The following MED24 variants were observed in gnomAD, a reference collection of about 807,000 sequenced individuals.
MED24 encodes the protein mediator of RNA polymerase II transcription subunit 24.
MED24 carries 74 observed loss-of-function variants against 118.8 expected under a neutral mutation model. The observed-to-expected ratio is 0.62, with a 90% confidence interval of 0.52 to 0.76. The LOEUF (loss-of-function observed/expected upper bound fraction) is 0.76. Ranked by LOEUF, MED24 falls within the 30% of genes least tolerant of loss-of-function variation. The pLI is 0.00. For missense variants in MED24, 1,041 were observed against 1,278.9 expected, an observed-to-expected ratio of 0.81 and a Z score of 2.84; for synonymous variants, 521 against 523.9, an observed-to-expected ratio of 0.99 and a Z score of 0.08.
At chr17:40,030,728 G>C (rs976129849) in intron 12 of MED24, among the ~76,000 whole-genome samples, 3 of 150,812 alleles carry the variant, frequency 2.0e-5, no homozygotes, top group Non-Finnish European at 4.4e-5. Flanking sequence ...GCATGATTTC[G>C]CCTCACCACA....
chr17:40,020,746 C>T (rs1598328688), intron 23 of MED24: 2 of 341,214 alleles, frequency 5.9e-6, no homozygotes, highest in East Asian at 1.7e-4. Flanking sequence ...GGTGCCACTG[C>T]ACTCCAGCCT....
chr17:40,027,876 C>T (rs1239955166), intron 15 of MED24, 33 bp downstream of exon 15: 1 of 1,608,164 alleles, frequency 6.2e-7, no homozygotes, highest in East Asian at 2.2e-5. Context: ...CCTCAGGGCC[C>T]ACTGGGCCTG....
intron 9 of MED24, chr17:40,032,375 C>T (rs910576472): frequency 2.6e-5 from 15 of 568,920 alleles, no homozygotes; most frequent in Non-Finnish European, 4.6e-5. Context: ...GGACTGGGGC[C>T]CCTTTCCCTG....
In MED24 at chr17:40,029,808, G is replaced by A; in HGVS notation, c.1206C>T (p.Asn402=). 2.5e-6 allele frequency: 4 copies of A among 1,614,214 alleles called. No homozygotes were observed. The highest frequency in any genetic ancestry group is 3.4e-6 in the Non-Finnish European group (4 of 1,180,016). Residue 402 remains asparagine, a synonymous_variant, in exon 13 of 26, where the codon AAC becomes AAT. Transcript: ENST00000394128. ...APQQKSGENA[N]IQPNIQLILR... ...GGATCAGCTGGATGTTGGGCTGGAT[G>A]TTGGCATTCTCTCCCGATTTCTGCT... is the stretch of plus-strand genomic sequence containing the variant.
intron 19 of MED24, among the ~76,000 whole-genome samples, chr17:40,024,178 G>A (rs779016903): frequency 1.1e-4 from 16 of 152,138 alleles, no homozygotes; most frequent in Non-Finnish European, 2.1e-4. Context: ...AGGGGAAAAC[G>A]AGATGTGCTT....
In MED24 at chr17:40,022,832, G is replaced by A. The variant is rs1472563304; in HGVS notation, c.2251-6C>T. The A allele has an allele frequency of 1.2e-6, 2 of 1,612,562 alleles. No individual in the cohort carries two copies. The highest frequency in any genetic ancestry group is 1.7e-6 in the Non-Finnish European group (2 of 1,179,814). On this transcript the variant is annotated splice_polypyrimidine_tract_variant and splice_region_variant and intron_variant, in intron 20 of 25. Transcript: ENST00000394128. ...CGCGTCTCCTTCAGCAGCTCCTAGTGCGCAGGAAAGGGGGCAGTTCAGGAG... is the reference window on the plus strand; with the variant it reads ...CGCGTCTCCTTCAGCAGCTCCTAGTACGCAGGAAAGGGGGCAGTTCAGGAG...
intron 16 of MED24, 47 bp from the exon 17 acceptor site, chr17:40,027,081 G>A (rs367647258): frequency 2.5e-6 from 4 of 1,597,156 alleles, no homozygotes; most frequent in Non-Finnish European, 3.4e-6. Context: ...AGGGCGCGGC[G>A]CCTGCCAGCG....
At chr17:40,028,113 T>C in intron 14 of MED24, 167 bp from the exon 15 acceptor site, 2 of 726,624 alleles carry the variant, frequency 2.8e-6, no homozygotes, top group Admixed American at 2.8e-5. Context: ...TTTTGTTTTT[T>C]GTTTTTTTTT....
chr17:40,045,342 G>C (rs1374105638), intron 3 of MED24, among the ~76,000 whole-genome samples: 1 of 152,086 alleles, frequency 6.6e-6, no homozygotes, highest in Non-Finnish European at 1.5e-5. Context: ...CCAGCTACTT[G>C]GGAGGCTGAG....
intron 1 of MED24, chr17:40,053,946 C>T (rs943091620): frequency 1.0e-5 from 5 of 480,742 alleles, no homozygotes; most frequent in Non-Finnish European, 1.5e-5. Flanking sequence ...GCCTGACCAA[C>T]ATGGAGAAAC....
intron 14 of MED24, among the ~76,000 whole-genome samples, chr17:40,028,369 C>T (rs1982968172): frequency 6.6e-6 from 1 of 152,174 alleles, no homozygotes; most frequent in Non-Finnish European, 1.5e-5. Context: ...CCACCTTGGC[C>T]TCCCTAAGTG....
rs1403871158 is a variant in MED24 at position 40,026,176 on chromosome 17, G to T, written c.1965C>A (p.Thr655=). The T allele has an allele frequency of 2.5e-6, 4 of 1,614,040 alleles. No homozygotes were observed. The South Asian group carries it at 4.4e-5, about 18-fold the overall frequency. Residue 655 remains threonine, a synonymous_variant, in exon 19 of 26, where the codon ACC becomes ACA. Coordinates refer to ENST00000394128, the MANE Select transcript of MED24 (RefSeq NM_014815.4). ...QLAGPLFSEN[T]LQFYNERVVI... ...CCGACCTCTCATTGTAGAACTGCAGGGTGTTCTCACTAAACAGTGGCCCTG... is the reference window on the plus strand; with the variant it reads ...CCGACCTCTCATTGTAGAACTGCAGTGTGTTCTCACTAAACAGTGGCCCTG...
chr17:40,031,960 AAC>A, intron 10 of MED24, 81 bp downstream of exon 10: 1 of 1,468,622 alleles, frequency 6.8e-7, no homozygotes, highest in Non-Finnish European at 9.4e-7. Flanking sequence ...CAGGCATGAG[AAC>A]ACTGCCCAGC....
At chr17:40,040,882 G>A (rs1024021155) in intron 3 of MED24, among the ~76,000 whole-genome samples, 1 of 152,016 alleles carries the variant, frequency 6.6e-6, no homozygotes, top group African/African-American at 2.4e-5. Context: ...CAAAGTGCTG[G>A]GATTACAGGT....
chr17:40,037,776 T>G (rs1480033221), intron 3 of MED24, among the ~76,000 whole-genome samples: 1 of 151,804 alleles, frequency 6.6e-6, no homozygotes, highest in Non-Finnish European at 1.5e-5. Flanking sequence ...CCGGGCATGG[T>G]GGCGGGTGCC....
chr17:40,029,072 A>C, intron 13 of MED24, 104 bp from the exon 14 acceptor site: 1 of 1,479,662 alleles, frequency 6.8e-7, no homozygotes, highest in East Asian at 2.3e-5. Context: ...AATGTAATCT[A>C]CATCTTTCTG....
In MED24 at chr17:40,030,137, C is replaced by T. The variant is rs770870974; in HGVS notation, c.1155-278G>A. Among the ~76,000 whole-genome samples, 6 of 151,542 alleles carry T rather than the reference C, an allele frequency of 4.0e-5. No individual in the cohort carries two copies. The South Asian group carries it at 6.3e-4, about 16-fold the overall frequency. Reference sequence around the variant, plus strand: ...AGCCTCTGCCTCCAGAGTAGCTGGGCGCTCACCACCACGCCTGGCTACTTT... The same window carrying T: ...AGCCTCTGCCTCCAGAGTAGCTGGGTGCTCACCACCACGCCTGGCTACTTT... On this transcript the variant is annotated intron_variant, in intron 12 of 25. Transcript: ENST00000394128.
chr17:40,032,954 G>A (rs1173249092), intron 8 of MED24, 102 bp downstream of exon 8: 4 of 1,519,274 alleles, frequency 2.6e-6, no homozygotes, highest in Non-Finnish European at 2.7e-6. Context: ...CATGGAGCAG[G>A]AGAAACCCCA....
Position 40,023,334 on chromosome 17 carries a change from T to G in MED24, c.2047A>C (p.Thr683Pro). The G allele has an allele frequency of 8.7e-6, 14 of 1,613,644 alleles. No individual in the cohort carries two copies. The highest frequency in any genetic ancestry group is 1.2e-5 in the Non-Finnish European group (14 of 1,179,726). The change falls in exon 20 of 26, where the codon ACG becomes CCG. Residue 683 changes from threonine to proline, a missense_variant. Thr to Pro is a conservative substitution (Grantham distance 38). Around this residue, in one of 3 missense-constraint regions of MED24, gnomAD observed 587 missense variants for 694.4 expected, o/e 0.85. Coordinates refer to ENST00000394128, the MANE Select transcript of MED24 (RefSeq NM_014815.4). Reference sequence around the variant, plus strand: ...CCGGTGGAGGGAAACTTGATCTGCGTGGCTGTCTGCTGCAGCACGTCGGCA... The same window carrying G: ...CCGGTGGAGGGAAACTTGATCTGCGGGGCTGTCTGCTGCAGCACGTCGGCA... The part of the protein sequence containing the change: ...MCADVLQQTA[T>P]QIKFPSTGVD...
Sources: gnomAD v4.1 joint callset for allele counts (sites outside exome capture counted in the v4.1 genomes callset) on GRCh38, gnomAD v4.1.1 for gene constraint, gnomAD v4.1.1 regional missense constraint, MANE v1.5 for transcripts, NCBI Gene and HGNC (gene_info 2026-07-23, HGNC 2026-07-21) for gene names.